DOCK11: variants seen among roughly 807,000 people sequenced by gnomAD.
DOCK11 encodes dedicator of cytokinesis 11.
A neutral mutation model predicts 169.1 loss-of-function variants in DOCK11; 70 were observed. That is an observed-to-expected ratio of 0.41 (90% CI 0.34 to 0.51). DOCK11 has a LOEUF of 0.51. Ranked by LOEUF, DOCK11 falls within the 20% of genes least tolerant of loss-of-function variation. The pLI, the probability that DOCK11 is intolerant of heterozygous loss-of-function variation, is 0.10. For synonymous variants in DOCK11, 529 were observed against 541.3 expected (o/e 0.98, Z 0.32); for missense variants, 1,166 against 1,538.8 (o/e 0.76, Z 4.05).
chrX:118,512,641 G>A (rs2057657105), intron 1 of DOCK11, among the ~76,000 whole-genome samples: 2 of 111,927 alleles, frequency 1.8e-5, no homozygotes, highest in African/African-American at 6.5e-5. Flanking sequence ...AACTTCAATG[G>A]AGGTCAGAGA....
chrX:118,569,091 CTTTTTTTTTTTTT>C (rs1186200391), intron 10 of DOCK11, among the ~76,000 whole-genome samples: 1 of 44,991 alleles, frequency 2.2e-5, no homozygotes, highest in Admixed American at 3.5e-4. Flanking sequence ...TCTTTCTTTC[CTTTTTTTTTTTTT>C]TTTTTTTTTT....
rs771805303 is a variant in DOCK11 at position 118,608,136 on chromosome X, A to T, written c.2746A>T (p.Ile916Leu). Residue 916 changes from isoleucine to leucine, a missense_variant, in exon 25 of 53, where the codon ATA becomes TTA. Coordinates refer to ENST00000276202, the MANE Select transcript of DOCK11 (RefSeq NM_144658.4). Reference protein sequence around the residue: ...EGLDSYLRSFIKYSFRPEKPS... With the variant: ...EGLDSYLRSFLKYSFRPEKPS... ...CTTGGATAGTTATCTAAGATCATTCATAAAGGTTTGTGGAGTAAAGTTTCT... is the reference window on the plus strand; with the variant it reads ...CTTGGATAGTTATCTAAGATCATTCTTAAAGGTTTGTGGAGTAAAGTTTCT... The T allele has an allele frequency of 1.7e-5, 20 of 1,202,604 alleles. No individual in the cohort carries two copies. Among genetic ancestry groups the T allele is most frequent in the Non-Finnish European group, 2.1e-5 (19 of 891,818 alleles).
chrX:118,553,888 T>C, intron 6 of DOCK11, among the ~76,000 whole-genome samples: 1 of 112,538 alleles, frequency 8.9e-6, no homozygotes, highest in Non-Finnish European at 1.9e-5. Context: ...ATTAATTTGT[T>C]TTTTATGTTT....
chrX:118,602,316 T>C (rs1422124043), intron 23 of DOCK11, among the ~76,000 whole-genome samples: 1 of 110,691 alleles, frequency 9.0e-6, no homozygotes, highest in Non-Finnish European at 1.9e-5. Context: ...TATTTAGTAT[T>C]TTCCTAGCTC....
In DOCK11 at chrX:118,573,790, CTG is replaced by C; in HGVS notation, c.1177-14_1177-13del. The C allele has an allele frequency of 1.7e-6, 2 of 1,183,217 alleles. No individual in the cohort carries two copies. Among genetic ancestry groups the C allele is most frequent in the Non-Finnish European group, 2.3e-6 (2 of 875,734 alleles). ...CTAAAGTCTCAGTTTTAAAATGTAA[CTG>C]TTTTCATTCCCAGGTTGAGCCCTTT... On this transcript the variant is annotated splice_polypyrimidine_tract_variant and intron_variant, in intron 11 of 52. Coordinates refer to ENST00000276202, the MANE Select transcript of DOCK11 (RefSeq NM_144658.4).
chrX:118,670,726 T>C (rs1200954924), intron 45 of DOCK11, among the ~76,000 whole-genome samples: 1 of 112,024 alleles, frequency 8.9e-6, no homozygotes, highest in Non-Finnish European at 1.9e-5. Context: ...AAAAATATTC[T>C]TTCTCGATGT....
Position 118,590,423 on chromosome X carries a change from G to C in DOCK11, c.2139+121G>C, listed in dbSNP as rs543549698. 246 of 587,184 alleles carry C rather than the reference G, an allele frequency of 4.2e-4. 1 individual carries two copies. In the African/African-American group the frequency reaches 5.0e-3, roughly 12 times the overall value. The allele number at this position is 587,184 out of a possible 1,213,427, so 48.4% of individuals were successfully genotyped here. On this transcript the variant is annotated intron_variant, in intron 19 of 52. Transcript: ENST00000276202. ...CTGAGTGTTTTGTTCCATGAAAACA[G>C]AAAATATTACAACAAAACAGAGTGT...
At chrX:118,597,580 A>G in intron 21 of DOCK11, 28 bp downstream of exon 21, 1 of 1,206,236 alleles carries the variant, frequency 8.3e-7, no homozygotes. Flanking sequence ...TTGTTGAAGT[A>G]ATCATGATTA....
intron 1 of DOCK11, chrX:118,538,714 C>G (rs374332472): frequency 2.7e-6 from 2 of 741,373 alleles, no homozygotes; most frequent in East Asian, 3.0e-4. Flanking sequence ...TTTATTGTAA[C>G]GGGTTTTTGG....
At chrX:118,575,798 A>T (rs1405866950) in intron 12 of DOCK11, among the ~76,000 whole-genome samples, 1 of 112,650 alleles carries the variant, frequency 8.9e-6, no homozygotes, top group Non-Finnish European at 1.9e-5. Context: ...CAAATAAGTC[A>T]TTTTAAGCCA....
At chrX:118,564,855 C>T (rs5910379) in intron 7 of DOCK11, among the ~76,000 whole-genome samples, 37,150 of 108,672 alleles carry the variant, frequency 0.34, 4,855 homozygotes, top group East Asian at 0.54. Flanking sequence ...GCCTTGAACT[C>T]CTTGCTGCAG....
intron 1 of DOCK11, among the ~76,000 whole-genome samples, chrX:118,516,004 A>ACTCTATATATATATATAT (rs1436837389): frequency 2.2e-5 from 1 of 44,944 alleles, no homozygotes; most frequent in African/African-American, 1.2e-4. Context: ...GATTTGGGCA[A>ACTCTATATATATATATAT]ATATATATAT....
At chrX:118,672,722 A>G (rs769464984) in intron 46 of DOCK11, among the ~76,000 whole-genome samples, 9 of 113,324 alleles carry the variant, frequency 7.9e-5, no homozygotes, top group Admixed American at 7.4e-4. Flanking sequence ...GGCGTGAGCC[A>G]CCGTGCCCGG....
At chrX:118,656,864 G>A (rs1180727981) in intron 44 of DOCK11, among the ~76,000 whole-genome samples, 3 of 111,106 alleles carry the variant, frequency 2.7e-5, no homozygotes, top group East Asian at 5.7e-4. Flanking sequence ...CCCAGGAGGC[G>A]GAGGTTGCAG....
At chrX:118,656,898 C>T (rs1170681467) in intron 44 of DOCK11, among the ~76,000 whole-genome samples, 1 of 111,649 alleles carries the variant, frequency 9.0e-6, no homozygotes. Flanking sequence ...CGCCACTGCA[C>T]TCCAGCCTGG....
chrX:118,500,204 A>G (rs888207071), intron 1 of DOCK11, among the ~76,000 whole-genome samples: 4 of 109,058 alleles, frequency 3.7e-5, no homozygotes, highest in Non-Finnish European at 7.6e-5. Context: ...GCCCGCCGCC[A>G]CGCCCGGCTA....
rs760377465 is a variant in DOCK11, at chrX:118,609,647, T to G, written c.2949+298T>G. On this transcript the variant is annotated intron_variant, in intron 27 of 52. Transcript: ENST00000276202. Reference sequence around the variant, plus strand: ...CATTTGCCATGTACATCTCATTACCTTTGAAGCTTTGCCTTTGTCTTATGG... The same window carrying G: ...CATTTGCCATGTACATCTCATTACCGTTGAAGCTTTGCCTTTGTCTTATGG... Among the ~76,000 whole-genome samples the G allele has an allele frequency of 6.2e-5, 7 of 112,260 alleles. No homozygotes were observed. The East Asian group carries it at 1.9e-3, about 31-fold the overall frequency.
chrX:118,584,986 C>T (rs1394123246), intron 15 of DOCK11, 55 bp from the exon 16 acceptor site: 1 of 1,138,569 alleles, frequency 8.8e-7, no homozygotes, highest in East Asian at 3.0e-5. Context: ...AGAGGGTAAC[C>T]AGTGCATTCA....
chrX:118,540,631 T>C (rs965326418), intron 1 of DOCK11, among the ~76,000 whole-genome samples: 4 of 111,116 alleles, frequency 3.6e-5, no homozygotes, highest in African/African-American at 1.3e-4. Context: ...AGCTCATTGG[T>C]CAGAGTAGTT....
Sources: allele counts gnomAD v4.1 joint callset (sites outside exome capture counted in the v4.1 genomes callset), GRCh38; gene constraint gnomAD v4.1.1; transcripts MANE v1.5; gene names NCBI Gene and HGNC (gene_info 2026-07-23, HGNC 2026-07-21).